Variants in EXOC2 observed in about 807,000 individuals in gnomAD.
The protein encoded by EXOC2 is SEC5-like 1.
In EXOC2, 70 loss-of-function variants were observed where a neutral mutation model predicts 131.8. The ratio of observed to expected loss-of-function variants is 0.53; its 90% CI spans 0.44 to 0.65. The LOEUF (loss-of-function observed/expected upper bound fraction) is 0.65, where lower values mean the gene tolerates loss of function less well. Ranked by LOEUF, EXOC2 falls within the 30% of genes least tolerant of loss-of-function variation. The probability of loss-of-function intolerance (pLI) is 0.00; values close to 1 mark genes in which losing one functional copy is unlikely to be tolerated. For missense variants in EXOC2, 923 were observed against 1,108.6 expected (o/e 0.83, Z 2.38); for synonymous variants, 411 against 398.4 (o/e 1.03, Z -0.38).
At position 555,998 on chromosome 6, in the gene EXOC2, T is replaced by G. The variant is rs760298508; in HGVS notation, c.1948A>C (p.Lys650Gln). 2 of 1,614,052 alleles carry G rather than the reference T, an allele frequency of 1.2e-6. No homozygotes were observed. The highest frequency in any genetic ancestry group is 2.7e-5 in the African/African-American group (2 of 74,954). ...PGEASVFQQP[K>Q]TQEEVCQLSI... ...AGCTGGCAAACCTCCTCCTGTGTTTTAGGTTGTTGGAAGACCTGTAAGGAA... is the reference window on the plus strand; with the variant it reads ...AGCTGGCAAACCTCCTCCTGTGTTTGAGGTTGTTGGAAGACCTGTAAGGAA... The change falls in exon 19 of 28, where the codon AAA becomes CAA. Residue 650 changes from lysine (K) to glutamine (Q), a missense_variant. Physicochemically the swap from Lys to Gln is moderately conservative, Grantham distance 53 (BLOSUM62 1). Transcript: ENST00000230449.
At chr6:581,390 C>T (rs2127607853) in intron 11 of EXOC2, among the ~76,000 whole-genome samples, 1 of 151,948 alleles carries the variant, frequency 6.6e-6, no homozygotes, top group Non-Finnish European at 1.5e-5. Context: ...ATAGTAAGCA[C>T]AGTAATAAAC....
intron 23 of EXOC2, among the ~76,000 whole-genome samples, chr6:518,594 T>C (rs1765292442): frequency 6.6e-6 from 1 of 152,224 alleles, no homozygotes; most frequent in Admixed American, 6.5e-5. Flanking sequence ...AGCCAACAAC[T>C]AGCTTTATTG....
chr6:536,380 C>T lies in EXOC2; in HGVS notation c.2239-3770G>A, dbSNP rs1180072423. On this transcript the variant is annotated intron_variant, in intron 22 of 27. Coordinates refer to ENST00000230449, the MANE Select transcript of EXOC2 (RefSeq NM_018303.6). ...ATACAATACCATAAAAAATAAAATA[C>T]CTAGGAATAAACTTAACAAAAGACA... Among the ~76,000 whole-genome samples the T allele has an allele frequency of 5.3e-5, 8 of 151,920 alleles. No individual in the cohort carries two copies. The East Asian group carries it at 1.2e-3, about 22-fold the overall frequency.
chr6:499,821 C>T (rs1233830460), intron 23 of EXOC2, 121 bp from the exon 24 acceptor site: 2 of 708,346 alleles, frequency 2.8e-6, no homozygotes, highest in Non-Finnish European at 5.0e-6. Flanking sequence ...GTAACACCAC[C>T]ACTATTTCCT....
At chr6:516,198 A>G (rs1465573403) in intron 23 of EXOC2, among the ~76,000 whole-genome samples, 1 of 152,212 alleles carries the variant, frequency 6.6e-6, no homozygotes, top group Admixed American at 6.5e-5. Context: ...GGGCAAAGAT[A>G]CTAATCAAGT....
In EXOC2 at chr6:564,075, G is replaced by A. The variant is rs370825321; in HGVS notation, c.1747C>T (p.Arg583Ter). 5.0e-6 allele frequency: 8 copies of A among 1,614,084 alleles called. No homozygotes were observed. Among genetic ancestry groups the A allele is most frequent in the Non-Finnish European group, 6.8e-6 (8 of 1,180,006 alleles). Residue 583 changes from arginine to a stop codon, truncating the protein, a stop_gained, in exon 16 of 28, where the codon CGA (arginine) becomes TGA (stop). Coordinates refer to ENST00000230449, the MANE Select transcript of EXOC2 (RefSeq NM_018303.6). LOFTEE classifies it high-confidence loss of function. ...QTIQDLILDLRVRCVMATLQH... is the reference protein window; with the variant it reads ...QTIQDLILDL ...AACGTGGCCATTACGCAACGTACTC[G>A]GAGATCCAAGATGAGATCCTGGATA...
intron 1 of EXOC2, among the ~76,000 whole-genome samples, chr6:647,227 A>G (rs1268735306): frequency 6.6e-6 from 1 of 152,152 alleles, no homozygotes; most frequent in Admixed American, 6.5e-5. Context: ...TAAAGAACCA[A>G]ATTTTTAAGT....
intron 21 of EXOC2, among the ~76,000 whole-genome samples, chr6:553,201 A>G (rs964058311): frequency 6.6e-6 from 1 of 152,206 alleles, no homozygotes; most frequent in Non-Finnish European, 1.5e-5. Context: ...GACAGGCATG[A>G]CAACCGTGCC....
chr6:591,490 T>C lies in EXOC2; in HGVS notation c.1192+979A>G, dbSNP rs1759540231. Among the ~76,000 whole-genome samples, 4 of 152,090 alleles carry C rather than the reference T, an allele frequency of 2.6e-5. No individual in the cohort carries two copies. The East Asian group carries it at 5.8e-4, about 22-fold the overall frequency. On this transcript the variant is annotated intron_variant, in intron 11 of 27. Transcript: ENST00000230449. ...CTCTATTTCAACTGTCAAGTACAGA[T>C]ACCCTTCTGATCTCAAAAGAGATGT...
At chr6:508,968 T>A (rs1419896169) in intron 23 of EXOC2, among the ~76,000 whole-genome samples, 5 of 152,244 alleles carry the variant, frequency 3.3e-5, no homozygotes, top group Non-Finnish European at 1.5e-5. Flanking sequence ...TTTTGGCCAT[T>A]CTACTAGGTG....
intron 17 of EXOC2, among the ~76,000 whole-genome samples, chr6:559,455 G>A (rs755767517): frequency 6.6e-6 from 1 of 152,152 alleles, no homozygotes; most frequent in African/African-American, 2.4e-5. Flanking sequence ...CAGGTCTATC[G>A]TGGTAGGACA....
At chr6:495,038 T>C (rs1763631555) in intron 25 of EXOC2, among the ~76,000 whole-genome samples, 2 of 141,552 alleles carry the variant, frequency 1.4e-5, no homozygotes, top group Non-Finnish European at 3.1e-5. Flanking sequence ...AGCACCACAC[T>C]TGGATAATTA....
At chr6:628,002 T>C (rs1208813013) in intron 4 of EXOC2, among the ~76,000 whole-genome samples, 3 of 152,222 alleles carry the variant, frequency 2.0e-5, no homozygotes, top group Non-Finnish European at 4.4e-5. Flanking sequence ...ACAAAAACTT[T>C]TCCTATGTGG....
At chr6:648,972 C>T (rs1442423433) in intron 1 of EXOC2, among the ~76,000 whole-genome samples, 1 of 152,072 alleles carries the variant, frequency 6.6e-6, no homozygotes, top group African/African-American at 2.4e-5. Flanking sequence ...TTCCGCCTCC[C>T]AACGTGCTGG....
In EXOC2 at chr6:593,377, G is replaced by C. The variant is rs185260534; in HGVS notation, c.1074-790C>G. 5.3e-5 allele frequency among the ~76,000 whole-genome samples: 8 copies of C among 152,134 alleles called. No homozygotes were observed. The South Asian group carries it at 1.7e-3, about 32-fold the overall frequency. ...AAAACTAGCTAAATGAGGGCTAACC[G>C]AACTGTGAAGAGATTTGGTGACAAC... On this transcript the variant is annotated intron_variant, in intron 10 of 27. Transcript: ENST00000230449.
At chr6:595,671 A>C (rs1759773596) in intron 10 of EXOC2, among the ~76,000 whole-genome samples, 1 of 152,064 alleles carries the variant, frequency 6.6e-6, no homozygotes, top group African/African-American at 2.4e-5. Context: ...ACACTCAACA[A>C]GATTTAACAC....
chr6:522,370 G>A (rs1765516277), intron 23 of EXOC2, among the ~76,000 whole-genome samples: 1 of 150,900 alleles, frequency 6.6e-6, no homozygotes, highest in African/African-American at 2.4e-5. Context: ...GGCCCATGCG[G>A]ACTGCAGGAC....
intron 1 of EXOC2, among the ~76,000 whole-genome samples, chr6:682,033 A>G (rs1243524399): frequency 6.6e-6 from 1 of 152,194 alleles, no homozygotes; most frequent in Non-Finnish European, 1.5e-5. Context: ...TTAAACAACC[A>G]ATTAGCACCG....
At chr6:648,713 ACT>A (rs147566888) in intron 1 of EXOC2, among the ~76,000 whole-genome samples, 40 of 127,270 alleles carry the variant, frequency 3.1e-4, no homozygotes, top group African/African-American at 1.1e-3. Flanking sequence ...ACTTTTAAAA[ACT>A]CTTTTTTTTT....
Sources: gnomAD v4.1 joint callset for allele counts (sites outside exome capture counted in the v4.1 genomes callset) on GRCh38, gnomAD v4.1.1 for gene constraint, MANE v1.5 for transcripts, NCBI Gene and HGNC (gene_info 2026-07-23, HGNC 2026-07-21) for gene names.